Variants in SLC25A21 observed in about 807,000 individuals in gnomAD.
SLC25A21 encodes mitochondrial 2-oxodicarboxylate carrier.
In SLC25A21, 47 loss-of-function variants were observed where a neutral mutation model predicts 43.8. That is an observed-to-expected ratio of 1.07 (90% CI 0.85 to 1.37). The LOEUF (loss-of-function observed/expected upper bound fraction) is 1.37, where lower values mean the gene tolerates loss of function less well. SLC25A21 is among the 40% of genes most tolerant of loss of function. The pLI is 0.00. For synonymous variants in SLC25A21, 131 were observed against 121.3 expected (o/e 1.08, Z -0.52); for missense variants, 352 against 350.2 (o/e 1.00, Z -0.04).
intron 7 of SLC25A21, among the ~76,000 whole-genome samples, chr14:36,687,449 A>AT (rs934750255): frequency 1.3e-5 from 2 of 152,204 alleles, no homozygotes; most frequent in African/African-American, 4.8e-5. Context: ...AGGCTGCCAG[A>AT]TAAGGACCCA....
At position 36,892,723 on chromosome 14, in the gene SLC25A21, G is replaced by T. The variant is rs556497035; in HGVS notation, c.71-17719C>A. On this transcript the variant is annotated intron_variant, in intron 1 of 9. Coordinates refer to ENST00000331299, the MANE Select transcript of SLC25A21 (RefSeq NM_030631.4). The stretch of plus-strand genomic sequence containing the variant: ...CTCCCCCAACCCCACAACTGGCCCC[G>T]GTGTGTGATGTTCCCCTTCCTGTGT... 9.3e-5 allele frequency among the ~76,000 whole-genome samples: 14 copies of T among 151,306 alleles called. 1 individual carries two copies. Among genetic ancestry groups the T allele is most frequent in the Admixed American group, 8.5e-4 (13 of 15,232 alleles).
chr14:36,832,264 T>C (rs973845191), intron 2 of SLC25A21, among the ~76,000 whole-genome samples: 2 of 152,086 alleles, frequency 1.3e-5, no homozygotes, highest in African/African-American at 2.4e-5. Context: ...AAATAATATA[T>C]ATATATATCT....
chr14:36,792,827 T>C (rs549313792), intron 3 of SLC25A21, among the ~76,000 whole-genome samples: 2 of 152,308 alleles, frequency 1.3e-5, no homozygotes, highest in South Asian at 4.2e-4. Context: ...TTGGGTATCA[T>C]GCATTCTGAA....
At chr14:36,911,850 T>C (rs1370090130) in intron 1 of SLC25A21, among the ~76,000 whole-genome samples, 2 of 152,188 alleles carry the variant, frequency 1.3e-5, no homozygotes, top group African/African-American at 4.8e-5. Flanking sequence ...GAATGATTTG[T>C]TACACAGCAG....
Position 36,680,083 on chromosome 14 carries a change from C to T in SLC25A21, c.*575G>A, listed in dbSNP as rs974229508. 6 of 880,800 alleles carry T rather than the reference C, an allele frequency of 6.8e-6. No individual in the cohort carries two copies. The highest frequency in any genetic ancestry group is 6.8e-6 in the Non-Finnish European group (5 of 735,730). 54.6% of individuals were successfully genotyped at this position (880,800 alleles called of 1,614,324 possible). On this transcript the variant is annotated 3_prime_UTR_variant, in exon 10 of 10. Coordinates refer to ENST00000331299, the MANE Select transcript of SLC25A21 (RefSeq NM_030631.4). ...GTGCATAGTTACTAAAAAAAACCAACAGATTTACATTTTAACATAGTATTC... is the reference window on the plus strand; with the variant it reads ...GTGCATAGTTACTAAAAAAAACCAATAGATTTACATTTTAACATAGTATTC...
chr14:36,690,374 C>T (rs1594490793), intron 7 of SLC25A21, among the ~76,000 whole-genome samples: 1 of 152,044 alleles, frequency 6.6e-6, no homozygotes, highest in Non-Finnish European at 1.5e-5. Context: ...AGGCATATAA[C>T]ACCATTTTAC....
intron 3 of SLC25A21, among the ~76,000 whole-genome samples, chr14:36,750,046 G>C (rs1005545128): frequency 1.6e-4 from 25 of 152,130 alleles, no homozygotes; most frequent in Admixed American, 1.2e-3. Context: ...ACCAAATATA[G>C]GACCTGACAT....
intron 1 of SLC25A21, among the ~76,000 whole-genome samples, chr14:37,112,137 T>C (rs1963030650): frequency 6.6e-6 from 1 of 152,084 alleles, no homozygotes. Context: ...TTCATTATTT[T>C]CTCTTCTATA....
chr14:36,996,394 A>C (rs759544046), intron 1 of SLC25A21, among the ~76,000 whole-genome samples: 4 of 152,154 alleles, frequency 2.6e-5, no homozygotes, highest in Non-Finnish European at 4.4e-5. Context: ...GGTTAAAAGA[A>C]AGGTCTCTGG....
At chr14:37,005,407 C>A (rs1041943250) in intron 1 of SLC25A21, among the ~76,000 whole-genome samples, 1 of 152,098 alleles carries the variant, frequency 6.6e-6, no homozygotes, top group South Asian at 2.1e-4. Flanking sequence ...CTTATTGATT[C>A]CCTCAGAGCT....
chr14:36,689,899 A>G (rs907343911), intron 7 of SLC25A21, among the ~76,000 whole-genome samples: 5 of 152,214 alleles, frequency 3.3e-5, no homozygotes, highest in African/African-American at 1.2e-4. Flanking sequence ...TTGATGCTCT[A>G]AGATTCACCT....
chr14:36,848,741 T>C (rs2138511327), intron 2 of SLC25A21, among the ~76,000 whole-genome samples: 1 of 152,350 alleles, frequency 6.6e-6, no homozygotes, highest in South Asian at 2.1e-4. Context: ...TCTTTGGCAA[T>C]GACTTATTTA....
At chr14:36,985,023 G>A (rs1960114103) in intron 1 of SLC25A21, among the ~76,000 whole-genome samples, 2 of 151,526 alleles carry the variant, frequency 1.3e-5, no homozygotes, top group African/African-American at 4.9e-5. Context: ...CATGTCCTTT[G>A]TAGGGACATG....
chr14:36,949,071 G>A (rs1242372130), intron 1 of SLC25A21, among the ~76,000 whole-genome samples: 8 of 152,188 alleles, frequency 5.3e-5, no homozygotes, highest in Admixed American at 5.2e-4. Context: ...ATCGAGTGAT[G>A]GGCTCTGGTT....
At chr14:37,012,026 C>T (rs974076668) in intron 1 of SLC25A21, among the ~76,000 whole-genome samples, 4 of 152,120 alleles carry the variant, frequency 2.6e-5, no homozygotes, top group Non-Finnish European at 5.9e-5. Context: ...CCGGAAGAAC[C>T]AAGTTACCCT....
chr14:37,038,202 A>G (rs1274946210), intron 1 of SLC25A21, among the ~76,000 whole-genome samples: 1 of 151,894 alleles, frequency 6.6e-6, no homozygotes, highest in Non-Finnish European at 1.5e-5. Flanking sequence ...CTTAAATGAC[A>G]CTCATTGTCC....
At chr14:36,874,545 T>C (rs992308072) in intron 2 of SLC25A21, among the ~76,000 whole-genome samples, 5 of 152,204 alleles carry the variant, frequency 3.3e-5, no homozygotes, top group Admixed American at 6.5e-5. Flanking sequence ...TTAAGCACTA[T>C]GTAAAAAGCT....
intron 1 of SLC25A21, chr14:37,097,790 G>C (rs531533882): frequency 6.6e-6 from 1 of 151,886 alleles, no homozygotes; most frequent in East Asian, 1.9e-4. Flanking sequence ...AGGCTGAGTC[G>C]GGAGAATTGC....
chr14:36,852,935 T>C (rs61070314), intron 2 of SLC25A21, among the ~76,000 whole-genome samples: 8,566 of 152,224 alleles, frequency 0.056, 815 homozygotes, highest in African/African-American at 0.19. Context: ...TCAAATTGCT[T>C]CCATGCACCG....
Sources: allele counts gnomAD v4.1 joint callset (sites outside exome capture counted in the v4.1 genomes callset), GRCh38; gene constraint gnomAD v4.1.1; transcripts MANE v1.5; gene names NCBI Gene and HGNC (gene_info 2026-07-23, HGNC 2026-07-21).